The following DAB1 variants were observed in gnomAD, a reference collection of about 807,000 sequenced individuals.
DAB1 encodes disabled homolog 1.
Under a neutral mutation model 64.6 loss-of-function variants are expected in DAB1, and 15 were observed. The ratio of observed to expected loss-of-function variants is 0.23; its 90% confidence interval spans 0.16 to 0.36. The LOEUF is 0.36. Among genes scored for constraint, DAB1 ranks in the 10% least tolerant of loss-of-function variants. The pLI, the probability that DAB1 is intolerant of heterozygous loss-of-function variation, is 1.00. For synonymous variants in DAB1, 235 were observed against 251.9 expected (o/e 0.93, Z 0.64); for missense variants, 596 against 706.7 (o/e 0.84, Z 1.78).
chr1:57,165,255 T>G (rs578173954), intron 2 of DAB1, among the ~76,000 whole-genome samples: 1 of 152,310 alleles, frequency 6.6e-6, no homozygotes, highest in African/African-American at 2.4e-5. Context: ...AATAGGTTTT[T>G]TTTTTAATCA....
intron 6 of DAB1, among the ~76,000 whole-genome samples, chr1:57,793,783 G>A (rs1650714877): frequency 6.6e-6 from 1 of 152,194 alleles, no homozygotes; most frequent in Non-Finnish European, 1.5e-5. Context: ...ATGATTACAT[G>A]AGATAATTGT....
At chr1:58,031,983 T>C (rs1450558898) in intron 5 of DAB1, among the ~76,000 whole-genome samples, 7 of 147,064 alleles carry the variant, frequency 4.8e-5, no homozygotes, top group South Asian at 2.2e-4. Flanking sequence ...CAAGTACTGA[T>C]AGAAACGTGT....
In DAB1 at chr1:58,329,909, T is replaced by C. The variant is rs114426696; in HGVS notation, n.309+13443A>G. On this transcript the variant is annotated intron_variant and non_coding_transcript_variant, in intron 4 of 20. Coordinates refer to the DAB1 transcript ENST00000485760. ...TAAGGCCTCCCTATTGCCTGAGACA[T>C]GCTAATATTGAAATTAGGCCAATTA... Among the ~76,000 whole-genome samples the C allele has an allele frequency of 5.5e-3, 835 of 152,314 alleles. 6 individuals are homozygous for C. Among genetic ancestry groups the C allele is most frequent in the Middle Eastern group, 0.014 (4 of 294 alleles).
At chr1:57,751,834 T>TAATA (rs58928224) in intron 6 of DAB1, among the ~76,000 whole-genome samples, 1,955 of 150,896 alleles carry the variant, frequency 0.013, 34 homozygotes, top group African/African-American at 0.042. Flanking sequence ...ATTCTTTACT[T>TAATA]AATAAATAAA....
intron 4 of DAB1, among the ~76,000 whole-genome samples, chr1:57,118,008 C>T (rs566561470): frequency 1.3e-5 from 2 of 152,270 alleles, no homozygotes; most frequent in South Asian, 4.1e-4. Context: ...AGTGAGGACA[C>T]AGCCCAGTGA....
intron 3 of DAB1, among the ~76,000 whole-genome samples, chr1:58,390,166 C>A (rs1423020619): frequency 6.6e-6 from 1 of 152,060 alleles, no homozygotes; most frequent in African/African-American, 2.4e-5. Context: ...CAGAATGCAC[C>A]CAGCTCCTTC....
intron 5 of DAB1, among the ~76,000 whole-genome samples, chr1:57,961,411 A>T (rs1645518370): frequency 1.3e-5 from 2 of 152,034 alleles, no homozygotes; most frequent in South Asian, 4.2e-4. Context: ...TCCGCCTGTG[A>T]TCTTGGACAC....
intron 4 of DAB1, among the ~76,000 whole-genome samples, chr1:58,319,768 G>A (rs1557730399): frequency 1.3e-5 from 2 of 152,198 alleles, no homozygotes; most frequent in Non-Finnish European, 2.9e-5. Context: ...GGCTGCCATG[G>A]TCATTCTAGG....
intron 4 of DAB1, among the ~76,000 whole-genome samples, chr1:58,220,148 A>G (rs1461460684): frequency 6.6e-6 from 1 of 152,200 alleles, no homozygotes; most frequent in African/African-American, 2.4e-5. Flanking sequence ...GGAATGGTAA[A>G]CTTTTTGTCA....
intron 7 of DAB1, among the ~76,000 whole-genome samples, chr1:57,530,128 C>G (rs1419671132): frequency 6.6e-6 from 1 of 152,124 alleles, no homozygotes; most frequent in Non-Finnish European, 1.5e-5. Context: ...AGGACACGTG[C>G]AAATACTTTG....
upstream of DAB1, among the ~76,000 whole-genome samples, chr1:57,885,228 C>T (rs552275141): frequency 1.3e-5 from 2 of 152,026 alleles, no homozygotes; most frequent in Non-Finnish European, 2.9e-5. Context: ...TATACTAATC[C>T]ATTTATTCCT....
chr1:57,214,896 G>C (rs561024353), intron 2 of DAB1, among the ~76,000 whole-genome samples: 53 of 103,822 alleles, frequency 5.1e-4, no homozygotes, highest in African/African-American at 2.3e-3. Flanking sequence ...GGGCGACAGA[G>C]CAAGATTCCC....
chr1:57,913,300 A>T (rs1270421668), intron 5 of DAB1, among the ~76,000 whole-genome samples: 42 of 152,156 alleles, frequency 2.8e-4, no homozygotes, highest in Admixed American at 2.4e-3. Context: ...CACATCTACA[A>T]CTATCTGATC....
intron 9 of DAB1, among the ~76,000 whole-genome samples, chr1:57,058,546 A>G (rs990592615): frequency 1.3e-5 from 2 of 152,248 alleles, no homozygotes; most frequent in Non-Finnish European, 1.5e-5. Flanking sequence ...GGACTTACAA[A>G]GCAAGGAGGT....
chr1:58,156,364 A>G (rs1655228769), intron 4 of DAB1, among the ~76,000 whole-genome samples: 1 of 152,178 alleles, frequency 6.6e-6, no homozygotes, highest in South Asian at 2.1e-4. Flanking sequence ...TGTGTATCTT[A>G]GCGCTTCCCA....
At chr1:58,016,164 T>G (rs1210670096) in intron 5 of DAB1, among the ~76,000 whole-genome samples, 1 of 152,180 alleles carries the variant, frequency 6.6e-6, no homozygotes, top group Non-Finnish European at 1.5e-5. Flanking sequence ...TCAGTACATT[T>G]TTTTTTCTGC....
At chr1:57,740,802 A>G (rs1248666864) in intron 6 of DAB1, among the ~76,000 whole-genome samples, 1 of 152,196 alleles carries the variant, frequency 6.6e-6, no homozygotes, top group Non-Finnish European at 1.5e-5. Context: ...AAACTGGCAG[A>G]GAAGTAAGAA....
chr1:58,213,847 C>A (rs902463181), intron 4 of DAB1, among the ~76,000 whole-genome samples: 5 of 152,172 alleles, frequency 3.3e-5, no homozygotes, highest in African/African-American at 9.7e-5. Flanking sequence ...TCACCTCCTA[C>A]TTGTTTCCCA....
At chr1:58,349,415 A>T (rs1475011799) in intron 3 of DAB1, among the ~76,000 whole-genome samples, 3 of 151,314 alleles carry the variant, frequency 2.0e-5, no homozygotes, top group Admixed American at 6.6e-5. Flanking sequence ...CTCTAGTTCA[A>T]CATTTTGACT....
Sources: gnomAD v4.1 joint callset for allele counts (sites outside exome capture counted in the v4.1 genomes callset) on GRCh38, gnomAD v4.1.1 for gene constraint, MANE v1.5 for transcripts, NCBI Gene and HGNC (gene_info 2026-07-23, HGNC 2026-07-21) for gene names.